Variants in GATA3 observed in about 807,000 individuals in gnomAD.
GATA3 encodes the protein trans-acting T-cell-specific transcription factor GATA-3.
In GATA3, 6 loss-of-function variants were observed where a neutral mutation model predicts 36.0. That is an observed-to-expected ratio of 0.17 (90% confidence interval 0.09 to 0.33). The LOEUF is 0.33. GATA3 is among the 10% of genes least tolerant of loss of function. The pLI is 1.00. For synonymous variants in GATA3, 326 were observed against 273.0 expected (o/e 1.19, Z -1.92); for missense variants, 514 against 610.1 (o/e 0.84, Z 1.66).
chr10:8,072,974 G>A (rs1395098857), intron 5 of GATA3, among the ~76,000 whole-genome samples: 6 of 151,764 alleles, frequency 4.0e-5, no homozygotes, highest in African/African-American at 4.8e-5. Flanking sequence ...GTGAAACCCC[G>A]TCTCTACTAA....
At chr10:8,049,199 G>T (rs936109243), upstream of GATA3, among the ~76,000 whole-genome samples, 3 of 152,254 alleles carry the variant, frequency 2.0e-5, no homozygotes, top group Non-Finnish European at 2.9e-5. Flanking sequence ...CTCATTTCAC[G>T]GGGAAGGTAG....
chr10:8,066,908 C>T (rs888905535), intron 4 of GATA3, among the ~76,000 whole-genome samples: 3 of 152,064 alleles, frequency 2.0e-5, no homozygotes, highest in African/African-American at 4.8e-5. Flanking sequence ...ACATGCTGTA[C>T]CTTGTCATCT....
intron 4 of GATA3, among the ~76,000 whole-genome samples, chr10:8,068,202 G>T (rs1832876919): frequency 6.6e-6 from 1 of 152,054 alleles, no homozygotes; most frequent in South Asian, 2.1e-4. Context: ...AGGAAATGAG[G>T]GCAGTAACAC....
chr10:8,055,433 CCTT>C lies in GATA3; in HGVS notation c.-217_-215del. 8.3e-6 allele frequency: 5 copies of C among 602,628 alleles called. No homozygotes were observed. The highest frequency in any genetic ancestry group is 2.8e-5 in the East Asian group (1 of 35,180). 37.3% of individuals were successfully genotyped at this position (602,628 alleles called of 1,614,324 possible). ...CCCAGTTTTTGGATTTTTGTCTTCC[CCTT>C]CTTCTCTTTGCTAAACGACCCCTCC... On this transcript the variant is annotated 5_prime_UTR_variant, in exon 2 of 6. Transcript: ENST00000379328. This position sits in a 1 kb window ranked among gnomAD's most constrained non-coding sequence, Gnocchi z 5.4.
In GATA3 at chr10:8,055,585, C is replaced by T; in HGVS notation, c.-71C>T. The T allele has an allele frequency of 6.6e-7, 1 of 1,524,760 alleles. No individual in the cohort carries two copies. Among genetic ancestry groups the T allele is most frequent in the Non-Finnish European group, 8.8e-7 (1 of 1,140,952 alleles). 94.5% of individuals were successfully genotyped at this position (1,524,760 alleles called of 1,614,324 possible). On this transcript the variant is annotated 5_prime_UTR_variant, in exon 2 of 6. Coordinates refer to ENST00000379328, the MANE Select transcript of GATA3 (RefSeq NM_001002295.2). This position sits in a 1 kb window ranked among gnomAD's most constrained non-coding sequence, Gnocchi z 5.4. The stretch of plus-strand genomic sequence containing the variant: ...CGACGGCAGGAGCCCCCCGACCTCC[C>T]AGGCGGACCGCCCTCCCTCCCCGCG...
chr10:8,055,393 T>C lies in GATA3; in HGVS notation c.-263T>C. Reference sequence around the variant, plus strand: ...CGCCCCTTTTTACAACCTGGTCCCGTTTTATTCTGCCGTACCCAGTTTTTG... The same window carrying C: ...CGCCCCTTTTTACAACCTGGTCCCGCTTTATTCTGCCGTACCCAGTTTTTG... On this transcript the variant is annotated 5_prime_UTR_variant, in exon 2 of 6. Coordinates refer to ENST00000379328, the MANE Select transcript of GATA3 (RefSeq NM_001002295.2). The surrounding 1 kb of genome is among the most constrained non-coding windows in gnomAD (Gnocchi z 5.4). 1.8e-6 allele frequency: 1 copy of C among 545,258 alleles called. No individual in the cohort carries two copies. The highest frequency in any genetic ancestry group is 3.3e-6 in the Non-Finnish European group (1 of 304,836). 33.8% of individuals were successfully genotyped at this position (545,258 alleles called of 1,614,324 possible).
intron 1 of GATA3, among the ~76,000 whole-genome samples, chr10:8,048,348 G>T (rs890568454): frequency 1.3e-5 from 2 of 152,222 alleles, no homozygotes; most frequent in African/African-American, 2.4e-5. Context: ...CAATGCTAAG[G>T]CCTGGTGGGC....
chr10:8,050,777 C>T, upstream of GATA3: 1 of 337,782 alleles, frequency 3.0e-6, no homozygotes, highest in Non-Finnish European at 6.1e-6. Flanking sequence ...GCGCGCTCTG[C>T]TTGCAAAGTC....
rs1037111200 is a variant in GATA3, at chr10:8,055,926, G to T, written c.241+30G>T. 58 of 1,550,096 alleles carry T rather than the reference G, an allele frequency of 3.7e-5. No homozygotes were observed. The highest frequency in any genetic ancestry group is 7.8e-5 in the Admixed American group (4 of 51,030). ...GTGCGCCCGGGGTGCCGGGGCTCCC[G>T]CCGGCCGCTTCAGCCGTCCCGGCTC... On this transcript the variant is annotated intron_variant, in intron 2 of 5. Transcript: ENST00000379328. This position sits in a 1 kb window ranked among gnomAD's most constrained non-coding sequence, Gnocchi z 5.4.
At chr10:8,069,725 T>C (rs776156489) in intron 5 of GATA3, 127 bp downstream of exon 5, 26 of 1,158,074 alleles carry the variant, frequency 2.2e-5, no homozygotes, top group Non-Finnish European at 3.2e-5. Context: ...AAATAATTGA[T>C]GCAATAGGAC....
chr10:8,067,691 G>C (rs1013251017), intron 4 of GATA3, among the ~76,000 whole-genome samples: 1 of 139,688 alleles, frequency 7.2e-6, no homozygotes, highest in Non-Finnish European at 1.5e-5. Flanking sequence ...GGTGGCGGGC[G>C]CCTGTAGTCC....
chr10:8,066,648 A>G (rs1176192399), intron 4 of GATA3, among the ~76,000 whole-genome samples: 1 of 152,154 alleles, frequency 6.6e-6, no homozygotes, highest in Admixed American at 6.5e-5. Flanking sequence ...CCCTGAAAAA[A>G]CTAATGCAAG....
rs2131483262 is a variant in GATA3, at chr10:8,055,902, T to G, written c.241+6T>G. The G allele has an allele frequency of 1.3e-6, 2 of 1,554,654 alleles. No homozygotes were observed. The highest frequency in any genetic ancestry group is 1.7e-6 in the Non-Finnish European group (2 of 1,149,206). ...GTACCCTCCGACCCACCACGGTGAG[T>G]GCGCCCGGGGTGCCGGGGCTCCCGC... On this transcript the variant is annotated splice_donor_region_variant and intron_variant, in intron 2 of 5. Coordinates refer to ENST00000379328, the MANE Select transcript of GATA3 (RefSeq NM_001002295.2). The surrounding 1 kb of genome is among the most constrained non-coding windows in gnomAD (Gnocchi z 5.4).
chr10:8,058,474 G>A lies in GATA3; in HGVS notation c.411G>A (p.Ser137=), dbSNP rs745734873. Reference sequence around the variant, plus strand: ...CCCTCTCCGTCTACCCCCCGGCCTCGTCCTCCTCCTTGTCGGGGGGCCACG... The same window carrying A: ...CCCTCTCCGTCTACCCCCCGGCCTCATCCTCCTCCTTGTCGGGGGGCCACG... The part of the protein sequence containing the change: ...PGPLSVYPPA[S]SSSLSGGHAS... Residue 137 remains serine, a synonymous_variant, in exon 3 of 6, where the codon TCG becomes TCA. Transcript: ENST00000379328. 1.2e-5 allele frequency: 19 copies of A among 1,612,468 alleles called. No homozygotes were observed. In the East Asian group the frequency reaches 1.6e-4, roughly 13 times the overall value.
At chr10:8,068,729 G>A (rs1024940708) in intron 4 of GATA3, among the ~76,000 whole-genome samples, 9 of 152,282 alleles carry the variant, frequency 5.9e-5, no homozygotes, top group South Asian at 4.1e-4. Flanking sequence ...CTCCAGCCTG[G>A]GTGACAGAGC....
intron 1 of GATA3, among the ~76,000 whole-genome samples, chr10:8,045,861 G>T (rs921240431): frequency 1.3e-5 from 2 of 152,222 alleles, no homozygotes; most frequent in Non-Finnish European, 1.5e-5. Flanking sequence ...GAGGATTGGG[G>T]AAAACAACCC....
At chr10:8,066,589 G>T (rs1199099303) in intron 4 of GATA3, among the ~76,000 whole-genome samples, 2 of 151,914 alleles carry the variant, frequency 1.3e-5, no homozygotes, top group South Asian at 2.1e-4. Flanking sequence ...ATTCACTGAA[G>T]ACCACCCAGC....
At position 8,074,326 on chromosome 10, in the gene GATA3, C is replaced by T. The variant is rs559967345; in HGVS notation, c.*303C>T. 243 of 393,714 alleles carry T rather than the reference C, an allele frequency of 6.2e-4. No individual in the cohort carries two copies. Among genetic ancestry groups the T allele is most frequent in the African/African-American group, 4.4e-3 (219 of 49,954 alleles). 24.4% of individuals were successfully genotyped at this position (393,714 alleles called of 1,614,324 possible). A position where few individuals can be genotyped will look rare whatever the true frequency, so the allele number is the denominator to read the frequency against. ...CATATAACTTATATTGTAAGAAATA[C>T]TGTACAATGACTTTATTGCATCTGG... On this transcript the variant is annotated 3_prime_UTR_variant, in exon 6 of 6. Transcript: ENST00000379328.
intron 4 of GATA3, among the ~76,000 whole-genome samples, chr10:8,064,621 A>G (rs1303502225): frequency 6.6e-6 from 1 of 152,188 alleles, no homozygotes; most frequent in African/African-American, 2.4e-5. Context: ...ACTCAGTGCA[A>G]TGGATGGATT....
Sources: gnomAD v4.1 joint callset for allele counts (sites outside exome capture counted in the v4.1 genomes callset) on GRCh38, gnomAD v4.1.1 for gene constraint, Gnocchi (gnomAD v3.1) non-coding constraint, MANE v1.5 for transcripts, NCBI Gene and HGNC (gene_info 2026-07-23, HGNC 2026-07-21) for gene names.